PDE1C: variants seen among roughly 807,000 people sequenced by gnomAD.
The protein encoded by PDE1C is phosphodiesterase 1C, also known as dual specificity calcium/calmodulin-dependent 3',5'-cyclic nucleotide phosphodiesterase 1C.
In PDE1C, 62 loss-of-function variants were observed where a neutral mutation model predicts 93.1. That is an observed-to-expected ratio of 0.67 (90% confidence interval 0.54 to 0.82). The LOEUF (loss-of-function observed/expected upper bound fraction) is 0.82, where lower values mean the gene tolerates loss of function less well. Among genes scored for constraint, PDE1C ranks in the 40% least tolerant of loss-of-function variants. The pLI, the probability that PDE1C is intolerant of heterozygous loss-of-function variation, is 0.00. For missense variants in PDE1C, 742 were observed against 884.6 expected (o/e 0.84, Z 2.04); for synonymous variants, 325 against 310.1 (o/e 1.05, Z -0.50).
chr7:31,744,196 G>T, the PDE1C span, among the ~76,000 whole-genome samples: 2 of 151,852 alleles, frequency 1.3e-5, no homozygotes, highest in Non-Finnish European at 2.9e-5. Flanking sequence ...GATTCCTACA[G>T]TTCCTCTCAC....
At chr7:31,697,031 TC>T in the PDE1C span, 1 of 1,614,138 alleles carries the variant, frequency 6.2e-7, no homozygotes, top group Non-Finnish European at 8.5e-7. Flanking sequence ...GGCAAAATGA[TC>T]CCTGTTCTTC....
chr7:31,668,634 TAG>T, the PDE1C span, among the ~76,000 whole-genome samples: 1 of 152,222 alleles, frequency 6.6e-6, no homozygotes, highest in Non-Finnish European at 1.5e-5. Context: ...GTCAAATTAA[TAG>T]AGACAGAAAG....
intron 2 of PDE1C, among the ~76,000 whole-genome samples, chr7:32,031,646 C>A (rs151038807): frequency 6.6e-6 from 1 of 152,278 alleles, no homozygotes; most frequent in Non-Finnish European, 1.5e-5. Context: ...TTCCTTACAA[C>A]CAGCCTGATG....
At chr7:32,367,415 A>G (rs1784248460) in intron 1 of PDE1C, among the ~76,000 whole-genome samples, 1 of 152,246 alleles carries the variant, frequency 6.6e-6, no homozygotes, top group Non-Finnish European at 1.5e-5. Context: ...ACCTATCAAT[A>G]ATAACCCTGA....
At chr7:32,119,823 G>A (rs1563328905) in intron 3 of PDE1C, among the ~76,000 whole-genome samples, 2 of 152,186 alleles carry the variant, frequency 1.3e-5, no homozygotes, top group African/African-American at 2.4e-5. Flanking sequence ...GAAGTCCTGC[G>A]GATTCTCAAC....
At chr7:32,081,791 A>C (rs1796677897) in intron 3 of PDE1C, among the ~76,000 whole-genome samples, 1 of 152,030 alleles carries the variant, frequency 6.6e-6, no homozygotes, top group Non-Finnish European at 1.5e-5. Context: ...AGGGCTGGTC[A>C]TTGACTGCTG....
chr7:32,115,842 G>A (rs919458168), intron 3 of PDE1C, among the ~76,000 whole-genome samples: 1 of 152,130 alleles, frequency 6.6e-6, no homozygotes. Flanking sequence ...GACAGATTCT[G>A]AAGAGAACTG....
At chr7:32,051,041 G>A (rs1793283527) in intron 2 of PDE1C, among the ~76,000 whole-genome samples, 1 of 152,220 alleles carries the variant, frequency 6.6e-6, no homozygotes, top group Admixed American at 6.5e-5. Context: ...CATGAGGGAT[G>A]ATGACAGATG....
At chr7:31,807,242 G>A (rs923916956) in intron 16 of PDE1C, among the ~76,000 whole-genome samples, 2 of 151,920 alleles carry the variant, frequency 1.3e-5, no homozygotes, top group African/African-American at 4.8e-5. Context: ...GGAAGTGGAA[G>A]AACAGGCTAT....
At chr7:32,025,481 C>T (rs1584498968) in intron 2 of PDE1C, among the ~76,000 whole-genome samples, 1 of 152,096 alleles carries the variant, frequency 6.6e-6, no homozygotes, top group Admixed American at 6.6e-5. Flanking sequence ...AAGGACACTG[C>T]TCAGGAACAT....
At chr7:31,634,917 G>A in the PDE1C span, among the ~76,000 whole-genome samples, 6 of 152,158 alleles carry the variant, frequency 3.9e-5, no homozygotes, top group Non-Finnish European at 8.8e-5. Context: ...TGAGGGCAAT[G>A]AGACGTCTCA....
intron 1 of PDE1C, among the ~76,000 whole-genome samples, chr7:32,349,662 C>G (rs917854005): frequency 1.3e-5 from 2 of 151,992 alleles, no homozygotes; most frequent in Admixed American, 6.6e-5. Context: ...GAGTCTCACT[C>G]TGTTGCCCAG....
the PDE1C span, among the ~76,000 whole-genome samples, chr7:31,646,884 A>C: frequency 6.6e-6 from 1 of 152,214 alleles, no homozygotes; most frequent in South Asian, 2.1e-4. Context: ...TATACAAAAA[A>C]AGGTACTTTT....
At chr7:32,141,414 C>T (rs1374155554) in intron 3 of PDE1C, among the ~76,000 whole-genome samples, 1 of 152,158 alleles carries the variant, frequency 6.6e-6, no homozygotes, top group African/African-American at 2.4e-5. Flanking sequence ...GCAAACACTA[C>T]CTTAATTAAG....
At chr7:31,789,908 G>A in intron 16 of PDE1C, 1 of 1,120,028 alleles carries the variant, frequency 8.9e-7, no homozygotes, top group Non-Finnish European at 1.1e-6. Flanking sequence ...CATCAGGCCA[G>A]ACAGATGCCT....
At chr7:31,911,143 CCTGA>C (rs564709082) in intron 2 of PDE1C, among the ~76,000 whole-genome samples, 37 of 152,186 alleles carry the variant, frequency 2.4e-4, no homozygotes, top group Middle Eastern at 3.4e-3. Flanking sequence ...AACAATCACT[CCTGA>C]CTATCTGATA....
the PDE1C span, among the ~76,000 whole-genome samples, chr7:31,738,339 C>T: frequency 4.6e-5 from 7 of 151,990 alleles, no homozygotes; most frequent in African/African-American, 1.5e-4. Context: ...ACAATCATGG[C>T]GGTAGGTGAA....
intron 2 of PDE1C, among the ~76,000 whole-genome samples, chr7:31,962,507 T>C (rs1378055838): frequency 6.6e-6 from 1 of 152,004 alleles, no homozygotes; most frequent in Non-Finnish European, 1.5e-5. Context: ...CCTAGAAAAA[T>C]GGAAGGACTG....
At chr7:31,692,708 ATAT>A in the PDE1C span, among the ~76,000 whole-genome samples, 1 of 152,232 alleles carries the variant, frequency 6.6e-6, no homozygotes, top group South Asian at 2.1e-4. Flanking sequence ...TGCCATGTAA[ATAT>A]TAGCTGAAGC....
Sources: gnomAD v4.1 joint callset for allele counts (sites outside exome capture counted in the v4.1 genomes callset) on GRCh38, gnomAD v4.1.1 for gene constraint, MANE v1.5 for transcripts, NCBI Gene and HGNC (gene_info 2026-07-23, HGNC 2026-07-21) for gene names.